The following SMAP1 variants were observed in gnomAD, a reference collection of about 807,000 sequenced individuals.
The protein encoded by SMAP1 is small ArfGAP 1.
In SMAP1, 24 loss-of-function variants were observed where a neutral mutation model predicts 58.5. The observed-to-expected ratio is 0.41, with a 90% confidence interval of 0.30 to 0.58. The LOEUF (loss-of-function observed/expected upper bound fraction) is 0.58, where lower values mean the gene tolerates loss of function less well. Among genes scored for constraint, SMAP1 ranks in the 20% least tolerant of loss-of-function variants. The probability of loss-of-function intolerance (pLI) is 0.29; values close to 1 mark genes in which losing one functional copy is unlikely to be tolerated. For synonymous variants in SMAP1, 216 were observed against 196.6 expected, an observed-to-expected ratio of 1.10 and a Z score of -0.82; for missense variants, 563 against 566.3, an observed-to-expected ratio of 0.99 and a Z score of 0.06.
At chr6:70,753,975 A>G (rs1195946029) in intron 2 of SMAP1, among the ~76,000 whole-genome samples, 1 of 151,914 alleles carries the variant, frequency 6.6e-6, no homozygotes, top group Non-Finnish European at 1.5e-5. Context: ...AAGAGTCACT[A>G]TATTTTTTGT....
chr6:70,806,343 C>T (rs923898218), intron 6 of SMAP1, among the ~76,000 whole-genome samples: 9 of 152,314 alleles, frequency 5.9e-5, no homozygotes, highest in East Asian at 1.9e-4. Flanking sequence ...CCTGGTCTGC[C>T]GGTTGCTAAG....
Position 70,860,857 on chromosome 6 carries a change from A to G in SMAP1, c.*523A>G. 2.5e-6 allele frequency: 1 copy of G among 394,916 alleles called. No homozygotes were observed. The highest frequency in any genetic ancestry group is 4.5e-6 in the Non-Finnish European group (1 of 223,718). 24.5% of individuals were successfully genotyped at this position (394,916 alleles called of 1,614,324 possible). A position where few individuals can be genotyped will look rare whatever the true frequency, so the allele number is the denominator to read the frequency against. On this transcript the variant is annotated 3_prime_UTR_variant, in exon 11 of 11. Coordinates refer to ENST00000370455, the MANE Select transcript of SMAP1 (RefSeq NM_001044305.3). ...ACTGTGCTGTTGTTATGATGTGCTTAACAGGGAACGTGATTAGTGAAAGGA... is the reference window on the plus strand; with the variant it reads ...ACTGTGCTGTTGTTATGATGTGCTTGACAGGGAACGTGATTAGTGAAAGGA...
chr6:70,807,926 T>C (rs942894293), intron 6 of SMAP1, among the ~76,000 whole-genome samples: 3 of 151,668 alleles, frequency 2.0e-5, no homozygotes, highest in Non-Finnish European at 4.4e-5. Context: ...ATAACATAAA[T>C]AGTCAATACA....
intron 4 of SMAP1, among the ~76,000 whole-genome samples, chr6:70,781,569 AAAATG>A (rs1297934044): frequency 1.5e-4 from 23 of 152,224 alleles, no homozygotes; most frequent in African/African-American, 5.5e-4. Flanking sequence ...AGGAATTTCT[AAAATG>A]AGATTGGAGG....
At chr6:70,816,009 GATAA>G (rs1769613718) in intron 6 of SMAP1, among the ~76,000 whole-genome samples, 1 of 152,104 alleles carries the variant, frequency 6.6e-6, no homozygotes. Context: ...GGGATGATAT[GATAA>G]ATAACTCTAG....
At chr6:70,703,831 T>C (rs1230574333) in intron 1 of SMAP1, among the ~76,000 whole-genome samples, 1 of 152,210 alleles carries the variant, frequency 6.6e-6, no homozygotes, top group African/African-American at 2.4e-5. Flanking sequence ...ATCCATTTCC[T>C]GGAGTTAGGG....
intron 6 of SMAP1, among the ~76,000 whole-genome samples, chr6:70,802,805 C>T (rs561410499): frequency 7.9e-5 from 12 of 152,242 alleles, no homozygotes; most frequent in African/African-American, 2.9e-4. Flanking sequence ...TGATGGATCA[C>T]GTTTATCGAT....
At chr6:70,766,180 A>G (rs1000610732) in intron 3 of SMAP1, among the ~76,000 whole-genome samples, 4 of 152,156 alleles carry the variant, frequency 2.6e-5, no homozygotes, top group Non-Finnish European at 5.9e-5. Flanking sequence ...AGTCTTTGCT[A>G]TTGTGAATAG....
intron 6 of SMAP1, among the ~76,000 whole-genome samples, chr6:70,820,875 C>T (rs568418986): frequency 1.8e-4 from 27 of 151,922 alleles, no homozygotes; most frequent in African/African-American, 5.8e-4. Context: ...GTTTGCTTTT[C>T]GACTCTTATT....
chr6:70,819,706 A>G (rs768280759), intron 6 of SMAP1, among the ~76,000 whole-genome samples: 1 of 152,216 alleles, frequency 6.6e-6, no homozygotes, highest in Non-Finnish European at 1.5e-5. Flanking sequence ...TACAGTTTTT[A>G]ATTATAATAG....
chr6:70,678,811 C>T (rs548073783), intron 1 of SMAP1, among the ~76,000 whole-genome samples: 6 of 152,272 alleles, frequency 3.9e-5, no homozygotes, highest in Admixed American at 3.9e-4. Flanking sequence ...TTCTGCTCCT[C>T]CTTGCCCTCC....
In SMAP1 at chr6:70,857,010, T is replaced by C. The variant is rs1159258540; in HGVS notation, c.941T>C (p.Ile314Thr). 6.2e-7 allele frequency: 1 copy of C among 1,609,956 alleles called. No individual in the cohort carries two copies. The highest frequency in any genetic ancestry group is 8.5e-7 in the Non-Finnish European group (1 of 1,177,912). The change falls in exon 9 of 11, where the codon ATT (isoleucine) becomes ACT (threonine). Residue 314 changes from isoleucine to threonine, a missense_variant. Ile to Thr is a moderately conservative substitution (Grantham distance 89). Coordinates refer to ENST00000370455, the MANE Select transcript of SMAP1 (RefSeq NM_001044305.3). The part of the protein sequence containing the change: ...SILSLYGTGT[I>T]QQQSTPGVFM... ...TTATCTCTGTATGGCACAGGAACCA[T>C]TCAACAGCAAAGTACTCCTGGTAAT...
intron 6 of SMAP1, among the ~76,000 whole-genome samples, chr6:70,807,891 C>T (rs535188325): frequency 6.6e-6 from 1 of 152,008 alleles, no homozygotes; most frequent in East Asian, 1.9e-4. Flanking sequence ...CACTAATAGC[C>T]TACTGTTGAT....
At chr6:70,687,013 G>A (rs1437097822) in intron 1 of SMAP1, among the ~76,000 whole-genome samples, 1 of 152,012 alleles carries the variant, frequency 6.6e-6, no homozygotes, top group African/African-American at 2.4e-5. Context: ...AAGTTTTTCT[G>A]TAAGTTCTAG....
chr6:70,685,188 A>T (rs1186348733), intron 1 of SMAP1, among the ~76,000 whole-genome samples: 1 of 152,004 alleles, frequency 6.6e-6, no homozygotes, highest in Non-Finnish European at 1.5e-5. Context: ...TTTGTGAATT[A>T]TATTTTGTTT....
intron 3 of SMAP1, among the ~76,000 whole-genome samples, chr6:70,767,632 G>T (rs1309269144): frequency 6.1e-4 from 92 of 150,776 alleles, no homozygotes; most frequent in African/African-American, 2.0e-3. Context: ...TTGCTTATCA[G>T]CTTAAGGAGA....
At position 70,860,607 on chromosome 6, in the gene SMAP1, C is replaced by A; in HGVS notation, c.*273C>A. ...TGAGAAGCTGCTCAACTTGCAAAAT[C>A]AGTTTTCCTCTCAATAAAATTATAG... On this transcript the variant is annotated 3_prime_UTR_variant, in exon 11 of 11. Transcript: ENST00000370455. The A allele has an allele frequency of 2.3e-6, 1 of 431,744 alleles. No homozygotes were observed. The highest frequency in any genetic ancestry group is 7.8e-5 in the South Asian group (1 of 12,820). The allele number at this position is 431,744 out of a possible 1,614,324, so 26.7% of individuals were successfully genotyped here.
chr6:70,705,452 C>G (rs1168511049), intron 1 of SMAP1, among the ~76,000 whole-genome samples: 1 of 152,038 alleles, frequency 6.6e-6, no homozygotes, highest in East Asian at 1.9e-4. Context: ...GGGGTTTCAT[C>G]ATGTTGGCCA....
intron 7 of SMAP1, among the ~76,000 whole-genome samples, chr6:70,838,159 TA>T (rs1038130974): frequency 6.6e-5 from 10 of 151,768 alleles, no homozygotes; most frequent in African/African-American, 9.7e-5. Flanking sequence ...ATTATTAAAG[TA>T]AAAAAAAATC....
Sources: gnomAD v4.1 joint callset for allele counts (sites outside exome capture counted in the v4.1 genomes callset) on GRCh38, gnomAD v4.1.1 for gene constraint, MANE v1.5 for transcripts, NCBI Gene and HGNC (gene_info 2026-07-23, HGNC 2026-07-21) for gene names.